GRM5: variants seen among roughly 807,000 people sequenced by gnomAD.
GRM5 encodes metabotropic glutamate receptor 5.
Under a neutral mutation model 83.1 loss-of-function variants are expected in GRM5, and 19 were observed. The observed-to-expected ratio is 0.23, with a 90% CI of 0.16 to 0.34. GRM5 has a LOEUF of 0.34. GRM5 is among the 10% of genes least tolerant of loss of function. The probability of loss-of-function intolerance (pLI) is 1.00; values close to 1 mark genes in which losing one functional copy is unlikely to be tolerated. For synonymous variants in GRM5, 675 were observed against 633.6 expected, an observed-to-expected ratio of 1.07 and a Z score of -0.98; for missense variants, 1,160 against 1,588.3, an observed-to-expected ratio of 0.73 and a Z score of 4.58.
intron 2 of GRM5, among the ~76,000 whole-genome samples, chr11:89,040,283 C>A (rs1188746597): frequency 1.3e-5 from 2 of 151,788 alleles, no homozygotes; most frequent in Non-Finnish European, 2.9e-5. Context: ...TTAATGTAAT[C>A]ATCATATTTT....
chr11:88,838,910 C>T (rs12293242), intron 3 of GRM5, among the ~76,000 whole-genome samples: 2,405 of 151,428 alleles, frequency 0.016, 63 homozygotes, highest in African/African-American at 0.055. Context: ...CACACATACA[C>T]ACACAAACTT....
At chr11:88,637,098 G>T (rs1939149268) in intron 4 of GRM5, among the ~76,000 whole-genome samples, 2 of 152,034 alleles carry the variant, frequency 1.3e-5, no homozygotes, top group African/African-American at 4.8e-5. Flanking sequence ...GAAAGTCATT[G>T]GTAGCTTGAT....
At chr11:88,601,766 C>A in intron 5 of GRM5, among the ~76,000 whole-genome samples, 1 of 152,104 alleles carries the variant, frequency 6.6e-6, no homozygotes, top group East Asian at 1.9e-4. Flanking sequence ...AACTTTAATT[C>A]TCAATGGAGT....
At chr11:89,000,394 A>T (rs1301748186) in intron 2 of GRM5, among the ~76,000 whole-genome samples, 1 of 152,154 alleles carries the variant, frequency 6.6e-6, no homozygotes, top group African/African-American at 2.4e-5. Context: ...GGAACAAAAA[A>T]CTCAGAAACA....
At chr11:89,023,251 G>A (rs1941034350) in intron 2 of GRM5, among the ~76,000 whole-genome samples, 1 of 151,962 alleles carries the variant, frequency 6.6e-6, no homozygotes, top group South Asian at 2.1e-4. Context: ...ACCATCAGGG[G>A]GGTAATTGTT....
At chr11:88,719,836 A>ATAAT (rs1216061138) in intron 3 of GRM5, among the ~76,000 whole-genome samples, 2 of 152,022 alleles carry the variant, frequency 1.3e-5, no homozygotes, top group Non-Finnish European at 2.9e-5. Context: ...ATTTTATCAT[A>ATAAT]TAATTGTTGG....
At chr11:88,610,403 T>G (rs539358416) in intron 4 of GRM5, among the ~76,000 whole-genome samples, 1 of 152,320 alleles carries the variant, frequency 6.6e-6, no homozygotes, top group East Asian at 1.9e-4. Flanking sequence ...TTCAGCAGTG[T>G]TCTGTAATTC....
chr11:88,789,496 A>AT (rs1332809393), intron 3 of GRM5, among the ~76,000 whole-genome samples: 2 of 152,156 alleles, frequency 1.3e-5, no homozygotes, highest in East Asian at 1.9e-4. Context: ...TAAATTGAAC[A>AT]TTTTTTGTTC....
chr11:89,022,923 T>C (rs987060477), intron 2 of GRM5, among the ~76,000 whole-genome samples: 10 of 152,188 alleles, frequency 6.6e-5, no homozygotes, highest in African/African-American at 2.2e-4. Flanking sequence ...AAATGCTTTG[T>C]AGGAAATCTG....
intron 3 of GRM5, among the ~76,000 whole-genome samples, chr11:88,776,684 T>C (rs1201705478): frequency 1.3e-5 from 2 of 152,174 alleles, no homozygotes; most frequent in African/African-American, 2.4e-5. Flanking sequence ...ATTTTATTTC[T>C]CCTTCACTTA....
At chr11:88,881,148 A>T (rs1487493404) in intron 2 of GRM5, among the ~76,000 whole-genome samples, 6 of 149,802 alleles carry the variant, frequency 4.0e-5, no homozygotes, top group South Asian at 2.1e-4. Flanking sequence ...CTTCAAATTT[A>T]AAAAAAAAAT....
chr11:88,645,355 A>G (rs755194031), intron 4 of GRM5, among the ~76,000 whole-genome samples: 1 of 152,128 alleles, frequency 6.6e-6, no homozygotes, highest in Non-Finnish European at 1.5e-5. Flanking sequence ...AAACCATGAG[A>G]GTGTGAATTC....
intron 3 of GRM5, among the ~76,000 whole-genome samples, chr11:88,686,204 G>A (rs1940618429): frequency 6.6e-6 from 1 of 152,156 alleles, no homozygotes; most frequent in African/African-American, 2.4e-5. Flanking sequence ...TGTGAGACCT[G>A]GAGTCAAAGG....
rs138867749 is a variant in GRM5, at chr11:88,579,957, A to G, written c.1690+10644T>C. ...AAAGATGATTAATGATGATTGTTAG[A>G]CACTTTTACTGGAGGTAGTGAGAAG... is the stretch of plus-strand genomic sequence containing the variant. On this transcript the variant is annotated intron_variant, in intron 7 of 9. Coordinates refer to ENST00000305447, the MANE Select transcript of GRM5 (RefSeq NM_001143831.3). Among the ~76,000 whole-genome samples the G allele has an allele frequency of 7.4e-3, 1,121 of 152,260 alleles. 11 individuals are homozygous for G. The highest frequency in any genetic ancestry group is 0.026 in the African/African-American group (1,083 of 41,538).
At chr11:88,550,771 C>A (rs1175620446) in intron 8 of GRM5, among the ~76,000 whole-genome samples, 1 of 152,112 alleles carries the variant, frequency 6.6e-6, no homozygotes, top group African/African-American at 2.4e-5. Flanking sequence ...GATAATTTCC[C>A]AAATGTCTTT....
intron 3 of GRM5, among the ~76,000 whole-genome samples, chr11:88,659,377 T>A (rs1939846603): frequency 6.6e-6 from 1 of 152,206 alleles, no homozygotes; most frequent in African/African-American, 2.4e-5. Context: ...TGCAACTGGC[T>A]TGAATGTTAA....
chr11:88,971,309 C>T lies in GRM5; in HGVS notation c.661+75903G>A, dbSNP rs192379766. Among the ~76,000 whole-genome samples, 16 of 152,118 alleles carry T rather than the reference C, an allele frequency of 1.1e-4. No individual in the cohort carries two copies. The East Asian group carries it at 1.5e-3, about 15-fold the overall frequency. On this transcript the variant is annotated intron_variant, in intron 2 of 9. Coordinates refer to ENST00000305447, the MANE Select transcript of GRM5 (RefSeq NM_001143831.3). ...TTTTTAACTTTTATTTTAGGTTCAC[C>T]GGCACATGTGCGGGTTTGACATATA...
At chr11:88,670,013 GA>G (rs1226479452) in intron 3 of GRM5, among the ~76,000 whole-genome samples, 1 of 151,930 alleles carries the variant, frequency 6.6e-6, no homozygotes, top group Non-Finnish European at 1.5e-5. Flanking sequence ...AAGTTTATTT[GA>G]AAAATGTAGT....
rs58154444 is a variant in GRM5, at chr11:88,994,445, TTATATATATATATA to T, written c.661+52753_661+52766del. 6.4e-3 allele frequency among the ~76,000 whole-genome samples: 552 copies of T among 86,898 alleles called. 1 individual carries two copies. The highest frequency in any genetic ancestry group is 0.04 in the South Asian group (91 of 2,262). The allele number at this position is 86,898 out of a possible 152,430, so 57.0% of individuals were successfully genotyped here. Reference sequence around the variant, plus strand: ...TATTATTATTTATCACTTTAACTGATTATATATATATATATATATATATATATATATATATATAT... The same window carrying T: ...TATTATTATTTATCACTTTAACTGATTATATATATATATATATATATATAT... On this transcript the variant is annotated intron_variant, in intron 2 of 9. Transcript: ENST00000305447.
Sources: gnomAD v4.1 joint callset for allele counts (sites outside exome capture counted in the v4.1 genomes callset) on GRCh38, gnomAD v4.1.1 for gene constraint, MANE v1.5 for transcripts, NCBI Gene and HGNC (gene_info 2026-07-23, HGNC 2026-07-21) for gene names.